GPHN: variants seen among roughly 807,000 people sequenced by gnomAD.
GPHN encodes gephyrin.
A neutral mutation model predicts 95.5 loss-of-function variants in GPHN; 17 were observed. The ratio of observed to expected loss-of-function variants is 0.18; its 90% CI spans 0.12 to 0.27. GPHN has a LOEUF of 0.27. GPHN is among the 10% of genes least tolerant of loss of function. The probability of loss-of-function intolerance (pLI) is 1.00; values close to 1 mark genes in which losing one functional copy is unlikely to be tolerated. For synonymous variants in GPHN, 320 were observed against 322.5 expected (o/e 0.99, Z 0.08); for missense variants, 660 against 978.1 (o/e 0.67, Z 4.34).
At chr14:67,512,178 A>G in the GPHN span, among the ~76,000 whole-genome samples, 1 of 152,190 alleles carries the variant, frequency 6.6e-6, no homozygotes, top group African/African-American at 2.4e-5. Context: ...ATGCATTCTC[A>G]CACACCACAG....
the GPHN span, among the ~76,000 whole-genome samples, chr14:67,479,190 G>A: frequency 6.6e-6 from 1 of 152,042 alleles, no homozygotes; most frequent in African/African-American, 2.4e-5. Flanking sequence ...GGTGGATCAT[G>A]AGGTCAGGAG....
chr14:67,301,590 C>T, the GPHN span: 2 of 519,192 alleles, frequency 3.9e-6, no homozygotes, highest in Non-Finnish European at 6.6e-6. Flanking sequence ...GTTTACAACC[C>T]CATCTATAAC....
At chr14:66,581,071 C>A (rs1264231845) in intron 1 of GPHN, among the ~76,000 whole-genome samples, 1 of 151,556 alleles carries the variant, frequency 6.6e-6, no homozygotes, top group Non-Finnish European at 1.5e-5. Flanking sequence ...GTGATTATCT[C>A]AATAAATGCA....
Position 66,566,495 on chromosome 14 carries a change from A to G in GPHN, c.64+57904A>G, listed in dbSNP as rs575589755. On this transcript the variant is annotated intron_variant, in intron 1 of 22. Coordinates refer to ENST00000478722, the MANE Select transcript of GPHN (RefSeq NM_020806.5). ...TGTAACACAAAGGCAGTTGGTAAAT[A>G]CTTTCTTATTGTCTACATTTTTTGT... is the stretch of plus-strand genomic sequence containing the variant. Among the ~76,000 whole-genome samples, 7 of 152,238 alleles carry G rather than the reference A, an allele frequency of 4.6e-5. No homozygotes were observed. The South Asian group carries it at 1.5e-3, about 32-fold the overall frequency.
chr14:67,138,390 A>T (rs1288682346), intron 17 of GPHN, among the ~76,000 whole-genome samples: 3 of 152,204 alleles, frequency 2.0e-5, no homozygotes, highest in Non-Finnish European at 1.5e-5. Context: ...TCATTGAGAA[A>T]ATTAATATAC....
chr14:67,204,980 A>G, the GPHN span: 3 of 1,579,642 alleles, frequency 1.9e-6, no homozygotes, highest in Non-Finnish European at 2.6e-6. Flanking sequence ...GAAGTCATAG[A>G]AGTCAGAGAA....
the GPHN span, chr14:67,343,409 A>AAT: frequency 6.2e-7 from 1 of 1,611,712 alleles, no homozygotes; most frequent in East Asian, 2.2e-5. Flanking sequence ...TGGTTATCTT[A>AAT]ATAGCTTCAT....
At chr14:66,596,744 G>A (rs1037793758) in intron 1 of GPHN, among the ~76,000 whole-genome samples, 1 of 152,198 alleles carries the variant, frequency 6.6e-6, no homozygotes, top group African/African-American at 2.4e-5. Flanking sequence ...CCCCAAGAGT[G>A]TAGAGATGCC....
At chr14:66,765,352 C>G (rs934498759) in intron 2 of GPHN, among the ~76,000 whole-genome samples, 24 of 152,312 alleles carry the variant, frequency 1.6e-4, no homozygotes, top group African/African-American at 5.5e-4. Context: ...CTGCCATAAA[C>G]ACACATGTAT....
chr14:67,075,165 C>T (rs2076449391), intron 11 of GPHN, among the ~76,000 whole-genome samples: 2 of 152,258 alleles, frequency 1.3e-5, no homozygotes, highest in South Asian at 4.1e-4. Flanking sequence ...TAAGTTGAAG[C>T]CAATACTCAT....
chr14:66,963,722 A>C (rs937119578), intron 8 of GPHN, among the ~76,000 whole-genome samples: 12 of 152,178 alleles, frequency 7.9e-5, no homozygotes, highest in South Asian at 2.1e-4. Context: ...CAAAATTCCT[A>C]CTGCTTTTCA....
chr14:66,726,176 C>T (rs113562304), intron 2 of GPHN, among the ~76,000 whole-genome samples: 78 of 152,276 alleles, frequency 5.1e-4, no homozygotes, highest in African/African-American at 1.6e-3. Context: ...TTATCTACTC[C>T]CGTTCAAATT....
At chr14:67,561,937 T>G in the GPHN span, 1 of 1,604,030 alleles carries the variant, frequency 6.2e-7, no homozygotes, top group Non-Finnish European at 8.5e-7. Flanking sequence ...TAAATCTTCA[T>G]TTTTCTTTTT....
chr14:66,598,719 C>T (rs764107044), intron 1 of GPHN, among the ~76,000 whole-genome samples: 31 of 151,792 alleles, frequency 2.0e-4, no homozygotes, highest in Non-Finnish European at 3.7e-4. Flanking sequence ...GTGGCGCATG[C>T]GTGTAATCCC....
At chr14:66,818,886 G>A (rs191767537) in intron 3 of GPHN, among the ~76,000 whole-genome samples, 3 of 152,278 alleles carry the variant, frequency 2.0e-5, no homozygotes, top group Admixed American at 1.3e-4. Context: ...ACACATGTAT[G>A]TCTTCTTCTG....
chr14:67,561,007 G>A, the GPHN span, among the ~76,000 whole-genome samples: 135,911 of 152,226 alleles, frequency 0.89, 61,012 homozygotes, highest in Non-Finnish European at 0.95. Flanking sequence ...CTAGGATTAC[G>A]GGTGTGAGCC....
the GPHN span, chr14:67,385,141 C>CTGA: frequency 1.3e-5 from 2 of 152,136 alleles, no homozygotes; most frequent in Non-Finnish European, 2.9e-5. Context: ...CAGTATTTCA[C>CTGA]TGATACCACG....
chr14:66,520,507 A>AT (rs1373667894), intron 1 of GPHN, among the ~76,000 whole-genome samples: 1 of 152,120 alleles, frequency 6.6e-6, no homozygotes, highest in Non-Finnish European at 1.5e-5. Context: ...AGGGACTCAA[A>AT]TAATGTGATC....
intron 2 of GPHN, among the ~76,000 whole-genome samples, chr14:66,734,536 A>T (rs1211235003): frequency 6.6e-6 from 1 of 152,156 alleles, no homozygotes; most frequent in East Asian, 1.9e-4. Flanking sequence ...TTATTGTATT[A>T]ACTTATTTTC....
Sources: allele counts gnomAD v4.1 joint callset (sites outside exome capture counted in the v4.1 genomes callset), GRCh38; gene constraint gnomAD v4.1.1; transcripts MANE v1.5; gene names NCBI Gene and HGNC (gene_info 2026-07-23, HGNC 2026-07-21).